The following CSNK1G1 variants were observed in gnomAD, a reference collection of about 807,000 sequenced individuals.
CSNK1G1 encodes casein kinase 1 gamma 1.
In CSNK1G1, 22 loss-of-function variants were observed where a neutral mutation model predicts 59.6. That is an observed-to-expected ratio of 0.37 (90% CI 0.26 to 0.53). The LOEUF is 0.53. CSNK1G1 is among the 20% of genes least tolerant of loss of function. CSNK1G1 has a pLI of 0.89. For synonymous variants in CSNK1G1, 179 were observed against 177.1 expected (o/e 1.01, Z -0.08); for missense variants, 384 against 519.5 (o/e 0.74, Z 2.54).
At chr15:64,245,131 C>T (rs1891683578) in intron 4 of CSNK1G1, among the ~76,000 whole-genome samples, 1 of 151,976 alleles carries the variant, frequency 6.6e-6, no homozygotes, top group African/African-American at 2.4e-5. Flanking sequence ...GATGTAAGAC[C>T]TGAAACTATG....
At chr15:64,205,492 G>A (rs566857748) in intron 7 of CSNK1G1, among the ~76,000 whole-genome samples, 3 of 152,230 alleles carry the variant, frequency 2.0e-5, no homozygotes, top group African/African-American at 4.8e-5. Flanking sequence ...AACAGGTTTG[G>A]TGTATGTCAG....
In CSNK1G1 at chr15:64,259,231, G is replaced by C; in HGVS notation, c.192C>G (p.Leu64=). 1 of 1,595,950 alleles carries C rather than the reference G, an allele frequency of 6.3e-7. No homozygotes were observed. The highest frequency in any genetic ancestry group is 2.3e-5 in the East Asian group (1 of 44,320). Residue 64 remains leucine, a synonymous_variant, in exon 3 of 12, where the codon CTC becomes CTG. Transcript: ENST00000303052. ...NFGELRLGKN[L]YTNEYVAIKL... is the part of the protein sequence containing the mutation. ...TGATTGCTACATATTCATTGGTGTA[G>C]AGATTTTTACCTAAGAGGAAAGCAG... is the stretch of plus-strand genomic sequence containing the variant.
At chr15:64,266,068 C>CTT (rs528601412) in intron 2 of CSNK1G1, among the ~76,000 whole-genome samples, 19 of 146,438 alleles carry the variant, frequency 1.3e-4, no homozygotes, top group South Asian at 4.3e-4. Context: ...GACCTTGTCT[C>CTT]TTTTTTTTTT....
chr15:64,231,137 G>C (rs1403214766), intron 4 of CSNK1G1, among the ~76,000 whole-genome samples: 2 of 151,076 alleles, frequency 1.3e-5, no homozygotes, highest in Admixed American at 1.3e-4. Context: ...GACTAGCCTG[G>C]GCAACATAGG....
intron 4 of CSNK1G1, among the ~76,000 whole-genome samples, chr15:64,221,822 T>C (rs1596115847): frequency 6.6e-6 from 1 of 152,060 alleles, no homozygotes; most frequent in East Asian, 1.9e-4. Context: ...TTTTACACTG[T>C]TGGTAGGAAT....
At chr15:64,264,281 T>C (rs528085294) in intron 2 of CSNK1G1, among the ~76,000 whole-genome samples, 1 of 152,186 alleles carries the variant, frequency 6.6e-6, no homozygotes, top group South Asian at 2.1e-4. Context: ...TCTGAAGAAA[T>C]GGAATAGTTC....
intron 2 of CSNK1G1, among the ~76,000 whole-genome samples, chr15:64,275,199 A>G (rs1893541296): frequency 6.6e-6 from 1 of 151,916 alleles, no homozygotes; most frequent in Non-Finnish European, 1.5e-5. Flanking sequence ...ATGCCACCAC[A>G]CCCAACCAAC....
intron 2 of CSNK1G1, among the ~76,000 whole-genome samples, chr15:64,274,733 C>T (rs1893511764): frequency 6.6e-6 from 1 of 152,166 alleles, no homozygotes; most frequent in Non-Finnish European, 1.5e-5. Flanking sequence ...CCTACAGAGA[C>T]AACATTCACC....
At chr15:64,308,251 T>C (rs1235980907) in intron 1 of CSNK1G1, among the ~76,000 whole-genome samples, 2 of 152,040 alleles carry the variant, frequency 1.3e-5, no homozygotes, top group Non-Finnish European at 2.9e-5. Context: ...GTTCTACCTG[T>C]TGTACATTTT....
intron 2 of CSNK1G1, chr15:64,265,641 C>T (rs528550097): frequency 1.2e-5 from 4 of 336,584 alleles, no homozygotes; most frequent in African/African-American, 4.4e-5. Flanking sequence ...ATACAGAAGA[C>T]AATCCCATTT....
At chr15:64,353,718 C>T (rs559368374) in intron 1 of CSNK1G1, among the ~76,000 whole-genome samples, 1 of 150,764 alleles carries the variant, frequency 6.6e-6, no homozygotes, top group African/African-American at 2.4e-5. Flanking sequence ...GTAATCTCAA[C>T]ACTTTGGGAG....
intron 1 of CSNK1G1, among the ~76,000 whole-genome samples, chr15:64,308,489 C>A (rs1008212423): frequency 6.6e-6 from 1 of 152,136 alleles, no homozygotes; most frequent in African/African-American, 2.4e-5. Flanking sequence ...TATTTGCCTT[C>A]CAGCTCTCTC....
At chr15:64,350,265 G>A (rs956656573) in intron 1 of CSNK1G1, among the ~76,000 whole-genome samples, 2 of 152,050 alleles carry the variant, frequency 1.3e-5, no homozygotes, top group Admixed American at 6.6e-5. Flanking sequence ...AGGCCAAGGC[G>A]GGCGGATCAC....
intron 1 of CSNK1G1, among the ~76,000 whole-genome samples, chr15:64,307,941 C>A (rs1895772882): frequency 6.6e-6 from 1 of 152,114 alleles, no homozygotes; most frequent in South Asian, 2.1e-4. Context: ...CCGCCTCAGC[C>A]TCCCAAAGTG....
chr15:64,232,293 A>C (rs2082560837), intron 4 of CSNK1G1, among the ~76,000 whole-genome samples: 1 of 152,190 alleles, frequency 6.6e-6, no homozygotes, highest in African/African-American at 2.4e-5. Context: ...TTTTGTTCCA[A>C]GCACACTTAC....
At chr15:64,316,363 C>T (rs920663481) in intron 1 of CSNK1G1, among the ~76,000 whole-genome samples, 1 of 151,944 alleles carries the variant, frequency 6.6e-6, no homozygotes, top group Non-Finnish European at 1.5e-5. Flanking sequence ...AGGGCAAAAC[C>T]TGTCTCTATT....
intron 1 of CSNK1G1, among the ~76,000 whole-genome samples, chr15:64,303,196 T>A (rs187065301): frequency 4.2e-5 from 6 of 141,298 alleles, no homozygotes; most frequent in African/African-American, 1.6e-4. Context: ...TGCCAGTAAA[T>A]AGCCACTGAA....
At chr15:64,339,174 C>T (rs1472001208) in intron 1 of CSNK1G1, among the ~76,000 whole-genome samples, 1 of 152,170 alleles carries the variant, frequency 6.6e-6, no homozygotes, top group Non-Finnish European at 1.5e-5. Flanking sequence ...ATTCTCAAAG[C>T]ATTGTCCCTA....
chr15:64,333,077 T>C (rs954190483), intron 1 of CSNK1G1, among the ~76,000 whole-genome samples: 1 of 151,014 alleles, frequency 6.6e-6, no homozygotes, highest in Non-Finnish European at 1.5e-5. Context: ...GCCAACATGG[T>C]GAAATCCTGT....
Sources: gnomAD v4.1 joint callset for allele counts (sites outside exome capture counted in the v4.1 genomes callset) on GRCh38, gnomAD v4.1.1 for gene constraint, MANE v1.5 for transcripts, NCBI Gene and HGNC (gene_info 2026-07-23, HGNC 2026-07-21) for gene names.